PIWIL4: variants seen among roughly 807,000 people sequenced by gnomAD.
PIWIL4 encodes piwi like RNA-mediated gene silencing 4.
In PIWIL4, 50 loss-of-function variants were observed where a neutral mutation model predicts 100.9. That is an observed-to-expected ratio of 0.50 (90% CI 0.39 to 0.63). PIWIL4 has a LOEUF of 0.63. Among genes scored for constraint, PIWIL4 ranks in the 20% least tolerant of loss-of-function variants. The pLI is 0.00. For synonymous variants in PIWIL4, 342 were observed against 367.5 expected (o/e 0.93, Z 0.79); for missense variants, 887 against 1,043.3 (o/e 0.85, Z 2.06).
chr11:94,589,545 A>G (rs1453095912), intron 8 of PIWIL4, among the ~76,000 whole-genome samples: 1 of 152,062 alleles, frequency 6.6e-6, no homozygotes, highest in African/African-American at 2.4e-5. Context: ...AGAGTTTCCA[A>G]ATCTCCTTAT....
At chr11:94,574,884 G>A in intron 2 of PIWIL4, 115 bp from the exon 3 acceptor site, 1 of 1,085,792 alleles carries the variant, frequency 9.2e-7, no homozygotes, top group Non-Finnish European at 1.3e-6. Context: ...AGCAATATGG[G>A]CAAACTGTAT....
At chr11:94,586,245 G>C (rs1215367111) in intron 6 of PIWIL4, among the ~76,000 whole-genome samples, 1 of 152,124 alleles carries the variant, frequency 6.6e-6, no homozygotes, top group African/African-American at 2.4e-5. Context: ...ACCCGGATTA[G>C]AAAATCTCAT....
At chr11:94,618,570 C>T (rs533420745) in intron 17 of PIWIL4, among the ~76,000 whole-genome samples, 2 of 152,296 alleles carry the variant, frequency 1.3e-5, no homozygotes, top group South Asian at 4.1e-4. Context: ...GCCATGAAAG[C>T]TGAGCTGCAG....
intron 16 of PIWIL4, 143 bp from the exon 17 acceptor site, chr11:94,617,811 C>G: frequency 1.2e-6 from 1 of 806,364 alleles, no homozygotes; most frequent in Non-Finnish European, 2.0e-6. Context: ...TATATTCTTG[C>G]AAATATAACC....
intron 13 of PIWIL4, 108 bp from the exon 14 acceptor site, chr11:94,607,331 A>C (rs1948734183): frequency 2.0e-6 from 2 of 1,003,838 alleles, no homozygotes; most frequent in Non-Finnish European, 2.9e-6. Flanking sequence ...TTGGGAACTT[A>C]AGGGTAAAAG....
intron 9 of PIWIL4, among the ~76,000 whole-genome samples, chr11:94,594,466 C>CAAAAA (rs1565276822): frequency 6.7e-6 from 1 of 148,846 alleles, no homozygotes. Flanking sequence ...ACTCTGTCTC[C>CAAAAA]AAAAAAAAAG....
intron 11 of PIWIL4, among the ~76,000 whole-genome samples, chr11:94,599,620 G>C (rs926202977): frequency 6.6e-6 from 1 of 152,192 alleles, no homozygotes; most frequent in Non-Finnish European, 1.5e-5. Flanking sequence ...TTGCTCTCAG[G>C]CCGAGGTAGG....
In PIWIL4 at chr11:94,575,001, A is replaced by G. The variant is rs751798926; in HGVS notation, c.169A>G (p.Lys57Glu). 1.2e-6 allele frequency: 2 copies of G among 1,611,992 alleles called. No homozygotes were observed. Among genetic ancestry groups the G allele is most frequent in the Non-Finnish European group, 1.7e-6 (2 of 1,178,344 alleles). ...ACCACATTCTCTTCATGTTTTAGAT[A>G]AATATGGGATATCTTCTGGTGATGC... ...LGTSRISTND[K>E]YGISSGDAGS... Residue 57 changes from lysine to glutamate, a missense_variant and splice_region_variant, in exon 3 of 20, where the codon AAA becomes GAA. This residue lies in a region of PIWIL4 where 146 missense variants were observed against 113.4 expected (regional missense o/e 1.29). Coordinates refer to ENST00000299001, the MANE Select transcript of PIWIL4 (RefSeq NM_152431.3).
chr11:94,601,171 C>T (rs939724155), intron 11 of PIWIL4, among the ~76,000 whole-genome samples: 1 of 151,414 alleles, frequency 6.6e-6, no homozygotes, highest in African/African-American at 2.4e-5. Context: ...TCCATGAAAT[C>T]TTCACAATTT....
chr11:94,607,772 C>T (rs1948739923), intron 14 of PIWIL4, 133 bp downstream of exon 14: 3 of 925,294 alleles, frequency 3.2e-6, no homozygotes. Context: ...TGGGTTCTGG[C>T]ATTCCATAAG....
At chr11:94,593,742 C>G (rs1002810177) in intron 9 of PIWIL4, 101 bp downstream of exon 9, 2 of 1,330,486 alleles carry the variant, frequency 1.5e-6, no homozygotes, top group Admixed American at 2.2e-5. Flanking sequence ...GCCAGGACAT[C>G]GATTTAACCC....
intron 16 of PIWIL4, among the ~76,000 whole-genome samples, chr11:94,616,861 G>T (rs1393736145): frequency 6.6e-6 from 1 of 152,184 alleles, no homozygotes; most frequent in Non-Finnish European, 1.5e-5. Context: ...AACCCTGGAG[G>T]AACTCGAGTT....
At position 94,576,710 on chromosome 11, in the gene PIWIL4, G is replaced by A. The variant is rs118136100; in HGVS notation, c.299-568G>A. Reference sequence around the variant, plus strand: ...CAGAAACCTTGTCTGTTTTCACGTCGGAAAAATGACAGTTCCTTCCTCTCT... The same window carrying A: ...CAGAAACCTTGTCTGTTTTCACGTCAGAAAAATGACAGTTCCTTCCTCTCT... On this transcript the variant is annotated intron_variant, in intron 3 of 19. Transcript: ENST00000299001. 7.8e-3 allele frequency among the ~76,000 whole-genome samples: 1,189 copies of A among 152,238 alleles called. 7 individuals carry two copies. The highest frequency in any genetic ancestry group is 0.024 in the Middle Eastern group (7 of 292).
At chr11:94,604,286 G>C (rs559212163) in intron 13 of PIWIL4, among the ~76,000 whole-genome samples, 1 of 152,118 alleles carries the variant, frequency 6.6e-6, no homozygotes, top group South Asian at 2.1e-4. Flanking sequence ...AACAGCCATT[G>C]GTGTCTGCAT....
rs201026049 is a variant in PIWIL4 at position 94,620,078 on chromosome 11, C to T, written c.2376C>T (p.Asn792=). 86 of 1,613,780 alleles carry T rather than the reference C, an allele frequency of 5.3e-5. 1 individual carries two copies. The Middle Eastern group carries it at 1.2e-3, about 22-fold the overall frequency. The change falls in exon 19 of 20, where the codon AAC becomes AAT. Residue 792 remains asparagine (N), a synonymous_variant. Transcript: ENST00000299001. The part of the protein sequence containing the change: ...PTYYNVIYDD[N]GLKPDHMQRL... The stretch of plus-strand genomic sequence containing the variant: ...ACTATAATGTCATCTATGATGACAA[C>T]GGCTTGAAGCCCGACCATATGCAGA...
At chr11:94,601,682 T>G in intron 11 of PIWIL4, 113 bp from the exon 12 acceptor site, 1 of 1,017,500 alleles carries the variant, frequency 9.8e-7, no homozygotes, top group Non-Finnish European at 1.5e-6. Context: ...TAAGACTGAA[T>G]AGCAAACTGT....
At chr11:94,576,957 T>C (rs2135242923) in intron 3 of PIWIL4, among the ~76,000 whole-genome samples, 1 of 152,322 alleles carries the variant, frequency 6.6e-6, no homozygotes, top group East Asian at 1.9e-4. Flanking sequence ...CCGATTTGAA[T>C]TGCAGAGAAT....
chr11:94,615,602 TTTTTG>T (rs1359315362), intron 15 of PIWIL4, among the ~76,000 whole-genome samples: 1 of 152,194 alleles, frequency 6.6e-6, no homozygotes, highest in Non-Finnish European at 1.5e-5. Flanking sequence ...TGTTCTGTTT[TTTTTG>T]TTTTGTTGTT....
intron 11 of PIWIL4, 149 bp downstream of exon 11, chr11:94,598,064 G>C (rs1948580401): frequency 3.3e-6 from 2 of 614,462 alleles, no homozygotes; most frequent in Admixed American, 5.8e-5. Flanking sequence ...ATCCCCTGTG[G>C]TTTCCTTTTC....
Sources: gnomAD v4.1 joint callset for allele counts (sites outside exome capture counted in the v4.1 genomes callset) on GRCh38, gnomAD v4.1.1 for gene constraint, gnomAD v4.1.1 regional missense constraint, MANE v1.5 for transcripts, NCBI Gene and HGNC (gene_info 2026-07-23, HGNC 2026-07-21) for gene names.